The following UBE2D2 variants were observed in gnomAD, a reference collection of about 807,000 sequenced individuals.
The protein encoded by UBE2D2 is ubiquitin conjugating enzyme E2 D2.
In UBE2D2, 2 loss-of-function variants were observed where a neutral mutation model predicts 24.2. The ratio of observed to expected loss-of-function variants is 0.08; its 90% confidence interval spans 0.03 to 0.26. The LOEUF (loss-of-function observed/expected upper bound fraction) is 0.26. Ranked by LOEUF, UBE2D2 falls within the 10% of genes least tolerant of loss-of-function variation. The probability of loss-of-function intolerance (pLI) is 1.00; values close to 1 mark genes in which losing one functional copy is unlikely to be tolerated. For missense variants in UBE2D2, 44 were observed against 177.6 expected (o/e 0.25, Z 4.28); for synonymous variants, 58 against 56.5 (o/e 1.03, Z -0.12).
intron 1 of UBE2D2, among the ~76,000 whole-genome samples, chr5:139,592,062 C>T (rs932185523): frequency 1.3e-5 from 2 of 151,990 alleles, no homozygotes; most frequent in African/African-American, 4.8e-5. Flanking sequence ...ATTAGCCGGG[C>T]CTGGTGGCGG....
At chr5:139,560,489 C>T (rs1388547714), upstream of UBE2D2, among the ~76,000 whole-genome samples, 2 of 151,956 alleles carry the variant, frequency 1.3e-5, no homozygotes, top group Non-Finnish European at 2.9e-5. Flanking sequence ...AGTGACCGTG[C>T]CCGGCCTAAT....
chr5:139,593,514 AATGTATACATTGTT>A (rs1367809653), intron 1 of UBE2D2, among the ~76,000 whole-genome samples: 73 of 152,280 alleles, frequency 4.8e-4, no homozygotes, highest in African/African-American at 1.7e-3. Context: ...AATATGTAAC[AATGTATACATTGTT>A]ATATATACAT....
Position 139,550,095 on chromosome 5 carries a change from T to C in UBE2D2, c.-64+23483T>C, listed in dbSNP as rs1482867750. On this transcript the variant is annotated intron_variant, in intron 1 of 6. Coordinates refer to the UBE2D2 transcript ENST00000511725. ...GCTCTGTGTCTAATCTAGTGGGGAC[T>C]TGGAGAACCTTTATGTCTAGCTAAA... is the stretch of plus-strand genomic sequence containing the variant. 2.4e-4 allele frequency among the ~76,000 whole-genome samples: 37 copies of C among 151,552 alleles called. 1 individual carries two copies. The highest frequency in any genetic ancestry group is 2.4e-3 in the Admixed American group (37 of 15,198).
At chr5:139,564,778 A>G (rs1032973845) in intron 1 of UBE2D2, among the ~76,000 whole-genome samples, 1 of 152,166 alleles carries the variant, frequency 6.6e-6, no homozygotes, top group African/African-American at 2.4e-5. Flanking sequence ...AGAATTCAAT[A>G]TTAACCATTT....
intron 5 of UBE2D2, among the ~76,000 whole-genome samples, chr5:139,615,688 A>G (rs1754407570): frequency 6.6e-6 from 1 of 152,124 alleles, no homozygotes; most frequent in African/African-American, 2.4e-5. Flanking sequence ...ATATAGGTAA[A>G]TATTTTACCA....
At chr5:139,527,532 A>T (rs577387584) in intron 1 of UBE2D2, among the ~76,000 whole-genome samples, 3 of 152,342 alleles carry the variant, frequency 2.0e-5, no homozygotes, top group African/African-American at 7.2e-5. Flanking sequence ...GTGGCCTTAG[A>T]CAGTCTAGTC....
chr5:139,572,634 A>G (rs1753373856), intron 1 of UBE2D2, among the ~76,000 whole-genome samples: 1 of 151,244 alleles, frequency 6.6e-6, no homozygotes, highest in South Asian at 2.1e-4. Context: ...CCTCAGATAA[A>G]TTAATTATTA....
At chr5:139,550,913 A>G (rs934761074) in intron 1 of UBE2D2, among the ~76,000 whole-genome samples, 1 of 152,194 alleles carries the variant, frequency 6.6e-6, no homozygotes, top group African/African-American at 2.4e-5. Context: ...CTGGGGCTTC[A>G]TTCTTCAAGT....
At chr5:139,570,204 A>G (rs1488373594) in intron 1 of UBE2D2, among the ~76,000 whole-genome samples, 1 of 152,124 alleles carries the variant, frequency 6.6e-6, no homozygotes, top group Non-Finnish European at 1.5e-5. Flanking sequence ...ATGAAAGGTT[A>G]AGGCTACGGT....
chr5:139,581,713 C>G (rs138793804), intron 1 of UBE2D2, among the ~76,000 whole-genome samples: 1 of 151,984 alleles, frequency 6.6e-6, no homozygotes, highest in Non-Finnish European at 1.5e-5. Context: ...CCGTCACCCA[C>G]GCTGGAGTGC....
intron 1 of UBE2D2, among the ~76,000 whole-genome samples, chr5:139,564,762 A>G (rs781281527): frequency 1.3e-5 from 2 of 152,108 alleles, no homozygotes; most frequent in African/African-American, 2.4e-5. Flanking sequence ...CCTGGCCTGA[A>G]CTTTTAGAAT....
chr5:139,542,963 C>G lies in UBE2D2; in HGVS notation c.-64+16351C>G, dbSNP rs368124981. On this transcript the variant is annotated intron_variant, in intron 1 of 6. Transcript: ENST00000511725. ...CCAGGATGGAGTGCAGTGGCCTGAT[C>G]TCAGCTCACTGCAACCTCTGCCTCC... Among the ~76,000 whole-genome samples, 10 of 152,270 alleles carry G rather than the reference C, an allele frequency of 6.6e-5. 2 individuals are homozygous for G. The highest frequency in any genetic ancestry group is 3.3e-4 in the Admixed American group (5 of 15,274).
intron 5 of UBE2D2, among the ~76,000 whole-genome samples, chr5:139,620,914 T>A (rs923161654): frequency 6.6e-6 from 1 of 152,240 alleles, no homozygotes; most frequent in African/African-American, 2.4e-5. Context: ...TCAGTGACTT[T>A]ATGCCCCCTT....
chr5:139,567,180 A>G (rs575969210), intron 1 of UBE2D2, among the ~76,000 whole-genome samples: 3 of 151,890 alleles, frequency 2.0e-5, no homozygotes, highest in Non-Finnish European at 4.4e-5. Context: ...GCTCACTGCA[A>G]CCTCCGCCTC....
At chr5:139,550,906 G>A (rs542079525) in intron 1 of UBE2D2, among the ~76,000 whole-genome samples, 1 of 152,162 alleles carries the variant, frequency 6.6e-6, no homozygotes, top group South Asian at 2.1e-4. Context: ...TGAGAGTCTG[G>A]GGCTTCATTC....
chr5:139,561,918 C>T (rs892628045), intron 1 of UBE2D2, 103 bp downstream of exon 1: 5 of 1,395,504 alleles, frequency 3.6e-6, no homozygotes, highest in Admixed American at 5.7e-5. Flanking sequence ...TTGGATCTTG[C>T]TGCCGGTGCT....
intron 5 of UBE2D2, among the ~76,000 whole-genome samples, chr5:139,616,783 CT>C (rs1733102908): frequency 6.6e-6 from 1 of 152,138 alleles, no homozygotes; most frequent in African/African-American, 2.4e-5. Context: ...GCTGAAAAAA[CT>C]TTGTATACAA....
At chr5:139,572,667 AC>A (rs1232677677) in intron 1 of UBE2D2, among the ~76,000 whole-genome samples, 1 of 147,662 alleles carries the variant, frequency 6.8e-6, no homozygotes, top group Admixed American at 6.8e-5. Flanking sequence ...TTTTTTTGAG[AC>A]AGAGACTTGC....
intron 1 of UBE2D2, 131 bp from the exon 2 acceptor site, chr5:139,600,241 T>C (rs377238248): frequency 3.1e-6 from 3 of 979,316 alleles, no homozygotes. Flanking sequence ...TACTCATCTC[T>C]TACTCTGAAG....
Sources: gnomAD v4.1 joint callset for allele counts (sites outside exome capture counted in the v4.1 genomes callset) on GRCh38, gnomAD v4.1.1 for gene constraint, MANE v1.5 for transcripts, NCBI Gene and HGNC (gene_info 2026-07-23, HGNC 2026-07-21) for gene names.